PLA2G5: variants seen among roughly 807,000 people sequenced by gnomAD.
PLA2G5 encodes Ca2+-dependent phospholipase A2.
PLA2G5 carries 12 observed loss-of-function variants against 15.9 expected under a neutral mutation model. The ratio of observed to expected loss-of-function variants is 0.76; its 90% confidence interval spans 0.48 to 1.23. PLA2G5 has a LOEUF of 1.23. Among genes scored for constraint, PLA2G5 ranks in the 50% most tolerant of loss-of-function variants. The probability of loss-of-function intolerance (pLI) is 0.00; values close to 1 mark genes in which losing one functional copy is unlikely to be tolerated. For synonymous variants in PLA2G5, 71 were observed against 71.4 expected, an observed-to-expected ratio of 0.99 and a Z score of 0.03; for missense variants, 169 against 177.1, an observed-to-expected ratio of 0.95 and a Z score of 0.26.
At chr1:20,089,259 A>G (rs561705933) in intron 3 of PLA2G5, among the ~76,000 whole-genome samples, 100 of 152,124 alleles carry the variant, frequency 6.6e-4, no homozygotes, top group African/African-American at 2.4e-3. Context: ...TACATTTTCC[A>G]TCCATATTGG....
chr1:20,069,537 G>T (rs1410401655), upstream of PLA2G5, among the ~76,000 whole-genome samples: 1 of 152,066 alleles, frequency 6.6e-6, no homozygotes, highest in Admixed American at 6.5e-5. Flanking sequence ...GCCAGGCATG[G>T]GGTGGCATGT....
At chr1:20,064,709 C>G (rs145548952) in intron 2 of PLA2G5, among the ~76,000 whole-genome samples, 2 of 152,190 alleles carry the variant, frequency 1.3e-5, no homozygotes, top group Non-Finnish European at 1.5e-5. Context: ...GCCTGGCCAA[C>G]ATAGTAAGAC....
Position 20,090,825 on chromosome 1 carries a change from C to A in PLA2G5, c.*133C>A, listed in dbSNP as rs932105589. 2 of 909,650 alleles carry A rather than the reference C, an allele frequency of 2.2e-6. No individual in the cohort carries two copies. Among genetic ancestry groups the A allele is most frequent in the Non-Finnish European group, 3.5e-6 (2 of 574,036 alleles). The allele number at this position is 909,650 out of a possible 1,614,324, so 56.3% of individuals were successfully genotyped here. On this transcript the variant is annotated 3_prime_UTR_variant, in exon 5 of 5. Transcript: ENST00000375108. ...CAGTCTTTCTCGAAGCTTGGCGGAC[C>A]CCCAGGGCCACACTGTACCCTCCAG...
chr1:20,043,364 C>T (rs140798056), intron 1 of PLA2G5, among the ~76,000 whole-genome samples: 5 of 152,222 alleles, frequency 3.3e-5, no homozygotes, highest in African/African-American at 1.2e-4. Flanking sequence ...CTTTAGGAGG[C>T]CATGCTGTAA....
chr1:20,036,185 T>G (rs549808685), intron 1 of PLA2G5, among the ~76,000 whole-genome samples: 15 of 152,342 alleles, frequency 9.8e-5, no homozygotes, highest in African/African-American at 3.1e-4. Context: ...TTCCTTTGTC[T>G]TGATTTTAGA....
chr1:20,090,517 A>T (rs1370108302), intron 4 of PLA2G5, 51 bp from the exon 5 acceptor site: 1 of 1,606,340 alleles, frequency 6.2e-7, no homozygotes, highest in Non-Finnish European at 8.5e-7. Flanking sequence ...CTCTGCTGAG[A>T]CTGGAGCATG....
chr1:20,033,591 G>A (rs1042707564), intron 1 of PLA2G5, among the ~76,000 whole-genome samples: 1 of 152,122 alleles, frequency 6.6e-6, no homozygotes, highest in Non-Finnish European at 1.5e-5. Context: ...AATATTTTTA[G>A]GCAGAGTTGC....
At chr1:20,089,984 TG>T in intron 4 of PLA2G5, 89 bp downstream of exon 4, 1 of 898,366 alleles carries the variant, frequency 1.1e-6, no homozygotes. Context: ...TGTATCTTGT[TG>T]GGGGAGGAGG....
intron 1 of PLA2G5, among the ~76,000 whole-genome samples, chr1:20,034,983 G>A (rs2013169472): frequency 6.6e-6 from 1 of 152,112 alleles, no homozygotes; most frequent in Non-Finnish European, 1.5e-5. Context: ...GCTGGGAACA[G>A]GGAGTCCACT....
upstream of PLA2G5, among the ~76,000 whole-genome samples, chr1:20,067,807 T>G (rs546695577): frequency 1.8e-4 from 28 of 151,644 alleles, no homozygotes; most frequent in Non-Finnish European, 3.7e-4. Context: ...GAAACTTACG[T>G]GATAAAGAAA....
At chr1:20,064,571 T>C (rs1423489711) in intron 2 of PLA2G5, among the ~76,000 whole-genome samples, 1 of 141,560 alleles carries the variant, frequency 7.1e-6, no homozygotes, top group Non-Finnish European at 1.5e-5. Flanking sequence ...CGAGACTCCA[T>C]CTCAAAAAAG....
intron 1 of PLA2G5, among the ~76,000 whole-genome samples, chr1:20,037,886 A>T (rs1242701445): frequency 6.6e-6 from 1 of 151,938 alleles, no homozygotes; most frequent in African/African-American, 2.4e-5. Context: ...AGGGTTAGGC[A>T]TGTCTGAGCT....
chr1:20,044,327 A>G lies in PLA2G5; in HGVS notation n.277-15305A>G, dbSNP rs141905241. Among the ~76,000 whole-genome samples, 1,388 of 151,934 alleles carry G rather than the reference A, an allele frequency of 9.1e-3. 27 individuals carry two copies. The highest frequency in any genetic ancestry group is 0.032 in the African/African-American group (1,311 of 41,456). ...ATTACTGTCTAGCTGCCTCCTCTCT[A>G]TTATTGTACACCTTGAAGGCAAGGA... On this transcript the variant is annotated intron_variant and non_coding_transcript_variant, in intron 1 of 6. Coordinates refer to the PLA2G5 transcript ENST00000460175.
chr1:20,090,772 C>T lies in PLA2G5; in HGVS notation c.*80C>T, dbSNP rs2016532001. ...ACAGAGTACTGACTCTGCCTGGTTC[C>T]TGAGAGAGGCTCCTAAGTCACAGAC... On this transcript the variant is annotated 3_prime_UTR_variant, in exon 5 of 5. Transcript: ENST00000375108. The T allele has an allele frequency of 1.9e-5, 27 of 1,447,608 alleles. No individual in the cohort carries two copies. Among genetic ancestry groups the T allele is most frequent in the Non-Finnish European group, 2.5e-5 (26 of 1,034,760 alleles). 89.7% of individuals were successfully genotyped at this position (1,447,608 alleles called of 1,614,324 possible).
intron 1 of PLA2G5, among the ~76,000 whole-genome samples, chr1:20,055,154 C>T (rs927939038): frequency 7.2e-5 from 11 of 152,154 alleles, no homozygotes; most frequent in African/African-American, 2.7e-4. Context: ...TTCCTGATGG[C>T]ATTTCAATCT....
At chr1:20,066,449 G>A (rs1441773015), upstream of PLA2G5, among the ~76,000 whole-genome samples, 7 of 152,168 alleles carry the variant, frequency 4.6e-5, no homozygotes, top group Non-Finnish European at 1.0e-4. Context: ...CACATTCAGT[G>A]GTATCATGTT....
chr1:20,081,426 C>T (rs1481920160), intron 1 of PLA2G5, among the ~76,000 whole-genome samples: 2 of 151,890 alleles, frequency 1.3e-5, no homozygotes, highest in Non-Finnish European at 2.9e-5. Context: ...TTGTTATTTA[C>T]AGCTCCCAGA....
At chr1:20,073,588 G>A (rs1462780556) in intron 1 of PLA2G5, among the ~76,000 whole-genome samples, 1 of 152,132 alleles carries the variant, frequency 6.6e-6, no homozygotes, top group African/African-American at 2.4e-5. Flanking sequence ...TCAGCCACCA[G>A]ATATGCATTA....
intron 1 of PLA2G5, among the ~76,000 whole-genome samples, chr1:20,054,009 T>G (rs79339988): frequency 6.6e-6 from 1 of 152,234 alleles, no homozygotes; most frequent in Non-Finnish European, 1.5e-5. Context: ...AGATTTGTTA[T>G]CTCACAAGAC....
Sources: allele counts gnomAD v4.1 joint callset (sites outside exome capture counted in the v4.1 genomes callset), GRCh38; gene constraint gnomAD v4.1.1; transcripts MANE v1.5; gene names NCBI Gene and HGNC (gene_info 2026-07-23, HGNC 2026-07-21).